ZFYVE28: variants seen among roughly 807,000 people sequenced by gnomAD.
ZFYVE28 encodes lateral signaling target protein 2 homolog.
Under a neutral mutation model 82.1 loss-of-function variants are expected in ZFYVE28, and 40 were observed. The ratio of observed to expected loss-of-function variants is 0.49; its 90% CI spans 0.38 to 0.63. The LOEUF (loss-of-function observed/expected upper bound fraction) is 0.63. ZFYVE28 is among the 30% of genes least tolerant of loss of function. ZFYVE28 has a pLI of 0.00. For synonymous variants in ZFYVE28, 612 were observed against 546.1 expected, an observed-to-expected ratio of 1.12 and a Z score of -1.68; for missense variants, 1,321 against 1,242.1, an observed-to-expected ratio of 1.06 and a Z score of -0.96.
intron 8 of ZFYVE28, among the ~76,000 whole-genome samples, chr4:2,290,819 A>G (rs923491752): frequency 2.0e-5 from 3 of 152,144 alleles, no homozygotes; most frequent in Non-Finnish European, 2.9e-5. Flanking sequence ...GGTGGGGGCC[A>G]TAATCTGGTC....
At chr4:2,378,266 G>A (rs753333570) in intron 1 of ZFYVE28, among the ~76,000 whole-genome samples, 3 of 152,162 alleles carry the variant, frequency 2.0e-5, no homozygotes, top group Admixed American at 1.3e-4. Flanking sequence ...GCTTGAACCC[G>A]GGAGGCGGAA....
At chr4:2,290,491 T>C (rs999705566) in intron 8 of ZFYVE28, among the ~76,000 whole-genome samples, 3 of 152,160 alleles carry the variant, frequency 2.0e-5, no homozygotes, top group African/African-American at 4.8e-5. Flanking sequence ...CTCTCCAGCT[T>C]TGTCCTCTCG....
Position 2,335,881 on chromosome 4 carries a change from C to A in ZFYVE28, c.612-87G>T. 4 of 1,108,078 alleles carry A rather than the reference C, an allele frequency of 3.6e-6. No individual in the cohort carries two copies. The South Asian group carries it at 5.4e-5, about 15-fold the overall frequency. The allele number at this position is 1,108,078 out of a possible 1,614,324, so 68.6% of individuals were successfully genotyped here. On this transcript the variant is annotated intron_variant, in intron 5 of 12. Transcript: ENST00000290974. The surrounding 1 kb of genome is among the most constrained non-coding windows in gnomAD (Gnocchi z 5.8). ...CCCCAGCAGGGACAGGCAGTGCGCT[C>A]AATCTGTACCTGCAGCCACGCGTGG...
At position 2,302,674 on chromosome 4, in the gene ZFYVE28, G is replaced by A. The variant is rs896812860; in HGVS notation, c.2051+1615C>T. ...CCTGTGTCCACACAAAAACTTGGACGAAAATTTTCATCACATCCATAACCT... is the reference window on the plus strand; with the variant it reads ...CCTGTGTCCACACAAAAACTTGGACAAAAATTTTCATCACATCCATAACCT... On this transcript the variant is annotated intron_variant, in intron 8 of 12. Coordinates refer to ENST00000290974, the MANE Select transcript of ZFYVE28 (RefSeq NM_020972.3). Among the ~76,000 whole-genome samples, 9 of 152,358 alleles carry A rather than the reference G, an allele frequency of 5.9e-5. No homozygotes were observed. The East Asian group carries it at 1.5e-3, about 26-fold the overall frequency.
At chr4:2,383,400 C>T (rs1035302450) in intron 1 of ZFYVE28, among the ~76,000 whole-genome samples, 3 of 152,132 alleles carry the variant, frequency 2.0e-5, no homozygotes, top group South Asian at 2.1e-4. Flanking sequence ...CAGGAAGTGC[C>T]TTTTGCCTTC....
intron 7 of ZFYVE28, among the ~76,000 whole-genome samples, chr4:2,313,004 G>A (rs966852022): frequency 1.9e-4 from 29 of 151,238 alleles, no homozygotes; most frequent in Admixed American, 1.5e-3. Flanking sequence ...AAGATCATGC[G>A]AACTGCACTC....
chr4:2,357,951 G>A (rs1725581589), intron 1 of ZFYVE28, among the ~76,000 whole-genome samples: 1 of 152,210 alleles, frequency 6.6e-6, no homozygotes. Context: ...AAGCGGAGGA[G>A]ACGGCTCAGC....
intron 8 of ZFYVE28, among the ~76,000 whole-genome samples, chr4:2,283,600 A>ATCCATCCGTCCATCCATCCATCCG (rs533513452): frequency 6.6e-6 from 1 of 152,112 alleles, no homozygotes; most frequent in African/African-American, 2.4e-5. Context: ...CCATCCATCC[A>ATCCATCCGTCCATCCATCCATCCG]TCCATCCACC....
intron 7 of ZFYVE28, among the ~76,000 whole-genome samples, chr4:2,310,133 G>T (rs1189511859): frequency 6.6e-6 from 1 of 151,930 alleles, no homozygotes; most frequent in Non-Finnish European, 1.5e-5. Flanking sequence ...CTGCCTCCCT[G>T]GCTCAAGCAG....
At chr4:2,358,978 T>TC (rs1239367333) in intron 1 of ZFYVE28, among the ~76,000 whole-genome samples, 10 of 147,302 alleles carry the variant, frequency 6.8e-5, no homozygotes, top group East Asian at 2.0e-4. Context: ...ATTTTTTCTT[T>TC]TTTTTTTTTT....
At position 2,360,093 on chromosome 4, in the gene ZFYVE28, G is replaced by C. The variant is rs573403226; in HGVS notation, c.40-6020C>G. On this transcript the variant is annotated intron_variant, in intron 1 of 12. Transcript: ENST00000290974. ...GAGGAGGCCTCCATGATGTCTAGGGGCCATGGGCTCTGACGGTATAATTGC... is the reference window on the plus strand; with the variant it reads ...GAGGAGGCCTCCATGATGTCTAGGGCCCATGGGCTCTGACGGTATAATTGC... Among the ~76,000 whole-genome samples the C allele has an allele frequency of 9.7e-4, 148 of 152,230 alleles. 2 individuals are homozygous for C. The highest frequency in any genetic ancestry group is 3.0e-3 in the Admixed American group (46 of 15,290).
rs71644322 is a variant in ZFYVE28, at chr4:2,293,752, CA to C, written c.2051+10536del. On this transcript the variant is annotated intron_variant, in intron 8 of 12. Transcript: ENST00000290974. ...TGGGTGACAGAGCAAGACTCCATCT[CA>C]AAAAAAAAAAAAAAAAAATCTTCTA... Among the ~76,000 whole-genome samples the C allele has an allele frequency of 7.8e-3, 653 of 83,936 alleles. 3 individuals are homozygous for C. The highest frequency in any genetic ancestry group is 1.0e-2 in the South Asian group (23 of 2,306). The allele number at this position is 83,936 out of a possible 152,430, so 55.1% of individuals were successfully genotyped here.
At chr4:2,370,974 C>T (rs1191165977) in intron 1 of ZFYVE28, among the ~76,000 whole-genome samples, 1 of 152,220 alleles carries the variant, frequency 6.6e-6, no homozygotes, top group Admixed American at 6.5e-5. Flanking sequence ...ACCACGAAGA[C>T]CCCCAGGGAA....
rs1724885132 is a variant in ZFYVE28 at position 2,354,079 on chromosome 4, GGA to G, written c.40-8_40-7del. 1.3e-6 allele frequency: 2 copies of G among 1,536,726 alleles called. No homozygotes were observed. Among genetic ancestry groups the G allele is most frequent in the South Asian group, 1.3e-5 (1 of 79,156 alleles). On this transcript the variant is annotated splice_polypyrimidine_tract_variant and splice_region_variant and intron_variant, in intron 1 of 12. Transcript: ENST00000290974. ...AGCAGCTGCGGATCCGACCTCTGCA[GGA>G]GAGAGGGGCCAGGGCCATGAGTGGG...
chr4:2,406,773 T>C (rs1245558816), intron 1 of ZFYVE28: 1 of 152,298 alleles, frequency 6.6e-6, no homozygotes, highest in Non-Finnish European at 1.5e-5. Context: ...TCTACAGCTT[T>C]AGTTTTTGCT....
intron 1 of ZFYVE28, among the ~76,000 whole-genome samples, chr4:2,404,096 G>A (rs972923622): frequency 5.3e-5 from 8 of 151,802 alleles, no homozygotes; most frequent in East Asian, 1.9e-4. Flanking sequence ...TGAGACGGGC[G>A]GATCACGAGG....
At chr4:2,271,138 G>A (rs11728581) in intron 12 of ZFYVE28, 173 bp downstream of exon 12, 363,864 of 758,912 alleles carry the variant, frequency 0.48, 92,288 homozygotes, top group Non-Finnish European at 0.53. Context: ...CCAGGTTCCC[G>A]TGGTCAAATG....
At chr4:2,329,037 A>G (rs1442696432) in intron 6 of ZFYVE28, 3 of 682,064 alleles carry the variant, frequency 4.4e-6, no homozygotes, top group South Asian at 3.1e-5. Context: ...AAGTTTTGAA[A>G]TCAGGACGTA....
intron 8 of ZFYVE28, among the ~76,000 whole-genome samples, chr4:2,302,979 C>T (rs73797712): frequency 0.013 from 2,039 of 152,336 alleles, 56 homozygotes; most frequent in African/African-American, 0.046. Context: ...CTCGTTAAGC[C>T]GAGCCATCGT....
Sources: gnomAD v4.1 joint callset for allele counts (sites outside exome capture counted in the v4.1 genomes callset) on GRCh38, gnomAD v4.1.1 for gene constraint, Gnocchi (gnomAD v3.1) non-coding constraint, MANE v1.5 for transcripts, NCBI Gene and HGNC (gene_info 2026-07-23, HGNC 2026-07-21) for gene names.